The following MARCHF3 variants were observed in gnomAD, a reference collection of about 807,000 sequenced individuals.
MARCHF3 encodes membrane associated ring-CH-type finger 3.
MARCHF3 carries 13 observed loss-of-function variants against 24.2 expected under a neutral mutation model. The ratio of observed to expected loss-of-function variants is 0.54; its 90% CI spans 0.35 to 0.85. The LOEUF (loss-of-function observed/expected upper bound fraction) is 0.85. MARCHF3 is among the 40% of genes least tolerant of loss of function. The pLI is 0.01. For missense variants in MARCHF3, 276 were observed against 325.0 expected (o/e 0.85, Z 1.16); for synonymous variants, 144 against 137.3 (o/e 1.05, Z -0.34).
chr5:127,013,222 T>C (rs2126858556), intron 1 of MARCHF3, among the ~76,000 whole-genome samples: 1 of 152,338 alleles, frequency 6.6e-6, no homozygotes, highest in South Asian at 2.1e-4. Context: ...GTATCCATCA[T>C]GGACTCTTTC....
At chr5:126,937,654 T>C (rs1027397458) in intron 1 of MARCHF3, among the ~76,000 whole-genome samples, 1 of 152,224 alleles carries the variant, frequency 6.6e-6, no homozygotes, top group Non-Finnish European at 1.5e-5. Flanking sequence ...ATTAACTCGA[T>C]TTCTGACCCA....
Position 126,914,988 on chromosome 5 carries a change from T to C in MARCHF3, c.335A>G (p.Tyr112Cys). 2.5e-6 allele frequency: 4 copies of C among 1,614,198 alleles called. No homozygotes were observed. In the East Asian group the frequency reaches 8.9e-5, roughly 36 times the overall value. The part of the protein sequence containing the change: ...EHWLSSSNTS[Y>C]CELCHFRFAV... ...AAACCTGAAGTGGCAGAGTTCACAG[T>C]AGCTGGTGTTTGAGGATGACAGCCA... Residue 112 changes from tyrosine (Y) to cysteine (C), a missense_variant, in exon 3 of 5, where the codon TAC becomes TGC. By Grantham distance (194) the Tyr-to-Cys change is radical. Transcript: ENST00000308660.
intron 1 of MARCHF3, among the ~76,000 whole-genome samples, chr5:126,973,879 A>ATTTTTT (rs10585434): frequency 1.2e-4 from 10 of 82,942 alleles, no homozygotes; most frequent in East Asian, 4.0e-4. Flanking sequence ...AGCAAAATCT[A>ATTTTTT]TTTTTTTTTT....
intron 1 of MARCHF3, among the ~76,000 whole-genome samples, chr5:126,922,123 C>T (rs982662524): frequency 2.6e-5 from 4 of 152,174 alleles, no homozygotes; most frequent in Admixed American, 6.5e-5. Context: ...GGCCACAGGT[C>T]GTGGGGGAAG....
intron 3 of MARCHF3, among the ~76,000 whole-genome samples, chr5:126,887,167 G>A (rs546079988): frequency 1.6e-4 from 25 of 152,104 alleles, no homozygotes; most frequent in Non-Finnish European, 3.2e-4. Context: ...CCTTACCATG[G>A]CCTACAAAGC....
chr5:126,873,217 G>A (rs1753032584), intron 4 of MARCHF3, among the ~76,000 whole-genome samples: 1 of 152,084 alleles, frequency 6.6e-6, no homozygotes. Flanking sequence ...GACTTGGGGA[G>A]GTTATTTGCT....
chr5:126,870,785 A>G lies in MARCHF3; in HGVS notation c.610T>C (p.Phe204Leu), dbSNP rs1752940541. The G allele has an allele frequency of 1.2e-6, 2 of 1,614,040 alleles. No individual in the cohort carries two copies. Among genetic ancestry groups the G allele is most frequent in the Admixed American group, 1.7e-5 (1 of 59,998 alleles). ...TIYLFWTLVS[F>L]RYHCRLYNEW... ...TTGTACAATCGACAGTGGTACCTAA[A>G]TGACACCTGGGGATGGGAGAGGAAA... The change falls in exon 5 of 5, where the codon TTT becomes CTT. Residue 204 changes from phenylalanine (F) to leucine (L), a missense_variant. By Grantham distance (22) the Phe-to-Leu change is conservative. Coordinates refer to ENST00000308660, the MANE Select transcript of MARCHF3 (RefSeq NM_178450.5).
intron 3 of MARCHF3, among the ~76,000 whole-genome samples, chr5:126,896,033 C>T (rs1204213346): frequency 2.6e-5 from 4 of 152,122 alleles, no homozygotes; most frequent in African/African-American, 7.2e-5. Context: ...TTAAGCCTGT[C>T]GGAAAAGCGC....
At chr5:127,010,400 A>T (rs548140884) in intron 1 of MARCHF3, among the ~76,000 whole-genome samples, 1 of 152,312 alleles carries the variant, frequency 6.6e-6, no homozygotes, top group Admixed American at 6.5e-5. Flanking sequence ...GTCAACTCAC[A>T]TTCCCTGACA....
Position 126,980,361 on chromosome 5 carries a change from T to C in MARCHF3, c.-57+49989A>G, listed in dbSNP as rs73786257. Among the ~76,000 whole-genome samples, 1,329 of 152,138 alleles carry C rather than the reference T, an allele frequency of 8.7e-3. 19 individuals are homozygous for C. The highest frequency in any genetic ancestry group is 0.025 in the East Asian group (130 of 5,172). Reference sequence around the variant, plus strand: ...TGTAGAATCTCTTGAGTTTGAGATGTTGATGATTCATTCCTTTTTTTTTTT... The same window carrying C: ...TGTAGAATCTCTTGAGTTTGAGATGCTGATGATTCATTCCTTTTTTTTTTT... On this transcript the variant is annotated intron_variant, in intron 1 of 4. Transcript: ENST00000308660.
chr5:126,879,479 C>T (rs1425852672), intron 3 of MARCHF3, among the ~76,000 whole-genome samples: 2 of 152,184 alleles, frequency 1.3e-5, no homozygotes, highest in Admixed American at 1.3e-4. Flanking sequence ...GATTATGCTG[C>T]CATCTTGACT....
At chr5:126,875,092 C>T (rs140218204) in intron 4 of MARCHF3, among the ~76,000 whole-genome samples, 4 of 152,178 alleles carry the variant, frequency 2.6e-5, no homozygotes, top group Non-Finnish European at 4.4e-5. Flanking sequence ...AGTCCATTAC[C>T]GACAATTTCT....
chr5:126,941,372 A>AT (rs899173771), intron 1 of MARCHF3, among the ~76,000 whole-genome samples: 2 of 152,106 alleles, frequency 1.3e-5, no homozygotes, highest in African/African-American at 4.8e-5. Context: ...GTTCAAGCCT[A>AT]TTTTTTAAAA....
intron 3 of MARCHF3, among the ~76,000 whole-genome samples, chr5:126,893,516 C>A (rs1753766679): frequency 6.6e-6 from 1 of 151,900 alleles, no homozygotes; most frequent in Non-Finnish European, 1.5e-5. Flanking sequence ...TTTCAAAGAA[C>A]ATCTTTATTT....
At chr5:126,922,035 G>A (rs573869669) in intron 1 of MARCHF3, among the ~76,000 whole-genome samples, 2 of 152,342 alleles carry the variant, frequency 1.3e-5, no homozygotes, top group Admixed American at 6.5e-5. Context: ...AGGCAGCAGC[G>A]ATTCATTGCT....
At chr5:126,965,845 T>C (rs1750797968) in intron 1 of MARCHF3, among the ~76,000 whole-genome samples, 2 of 152,208 alleles carry the variant, frequency 1.3e-5, no homozygotes, top group Admixed American at 6.5e-5. Flanking sequence ...AAGTTAAACA[T>C]ATATTTAACA....
intron 3 of MARCHF3, among the ~76,000 whole-genome samples, chr5:126,904,262 C>T (rs1225740247): frequency 4.7e-5 from 7 of 149,696 alleles, no homozygotes; most frequent in African/African-American, 7.4e-5. Flanking sequence ...TGAATAATGC[C>T]GCAATAAACA....
At chr5:126,952,113 C>T (rs956386468) in intron 1 of MARCHF3, among the ~76,000 whole-genome samples, 20 of 152,172 alleles carry the variant, frequency 1.3e-4, no homozygotes, top group African/African-American at 4.8e-4. Flanking sequence ...TCCCAAAGTG[C>T]TGGGACTACA....
chr5:127,009,486 T>C (rs73786297), intron 1 of MARCHF3, among the ~76,000 whole-genome samples: 4,748 of 152,290 alleles, frequency 0.031, 228 homozygotes, highest in African/African-American at 0.1. Context: ...TTTTCAAAAA[T>C]GAGAAACGGC....
Sources: allele counts gnomAD v4.1 joint callset (sites outside exome capture counted in the v4.1 genomes callset), GRCh38; gene constraint gnomAD v4.1.1; transcripts MANE v1.5; gene names NCBI Gene and HGNC (gene_info 2026-07-23, HGNC 2026-07-21).